ARK2C: variants seen among roughly 807,000 people sequenced by gnomAD.
The protein encoded by ARK2C is E3 ubiquitin-protein ligase ARK2C.
the ARK2C span, among the ~76,000 whole-genome samples, chr18:46,367,842 G>A: frequency 0.022 from 3,371 of 152,274 alleles, 123 homozygotes; most frequent in African/African-American, 0.076. Context: ...CGGATTTCTC[G>A]GCTCTGCTTC....
chr18:46,357,678 A>T, the ARK2C span, among the ~76,000 whole-genome samples: 2 of 152,184 alleles, frequency 1.3e-5, no homozygotes, highest in South Asian at 4.1e-4. Context: ...ATGCCTCCAG[A>T]TGCCTGGGAG....
the ARK2C span, among the ~76,000 whole-genome samples, chr18:46,400,134 C>T: frequency 3.3e-5 from 5 of 152,184 alleles, no homozygotes; most frequent in East Asian, 9.6e-4. Context: ...TCCTGCTCCT[C>T]CAGCTCCAGC....
the ARK2C span, among the ~76,000 whole-genome samples, chr18:46,395,253 G>A: frequency 6.6e-6 from 1 of 152,214 alleles, no homozygotes; most frequent in Non-Finnish European, 1.5e-5. Context: ...GTCTCCAGGG[G>A]ACTGTGTGAC....
the ARK2C span, among the ~76,000 whole-genome samples, chr18:46,349,790 C>T: frequency 6.6e-6 from 1 of 152,118 alleles, no homozygotes; most frequent in Non-Finnish European, 1.5e-5. Flanking sequence ...GCCCAGTAAC[C>T]CACAGCTACA....
chr18:46,429,487 G>A, the ARK2C span, among the ~76,000 whole-genome samples: 1 of 152,088 alleles, frequency 6.6e-6, no homozygotes, highest in Admixed American at 6.6e-5. Flanking sequence ...TTAAATTTCT[G>A]ATATTGCTTA....
the ARK2C span, among the ~76,000 whole-genome samples, chr18:46,441,381 G>C: frequency 6.6e-6 from 1 of 152,136 alleles, no homozygotes; most frequent in African/African-American, 2.4e-5. Context: ...CACTGCATCT[G>C]GTAATTTTGG....
the ARK2C span, among the ~76,000 whole-genome samples, chr18:46,432,651 G>T: frequency 2.0e-5 from 3 of 152,206 alleles, no homozygotes; most frequent in African/African-American, 7.2e-5. Context: ...GGATGCTTAT[G>T]TATTCATTAA....
the ARK2C span, among the ~76,000 whole-genome samples, chr18:46,403,212 G>A: frequency 7.2e-3 from 1,092 of 152,220 alleles, 9 homozygotes; most frequent in African/African-American, 0.025. Context: ...CCAGAGTCTG[G>A]CACCTGGCAA....
the ARK2C span, among the ~76,000 whole-genome samples, chr18:46,416,309 GAC>G: frequency 2.0e-5 from 3 of 152,122 alleles, no homozygotes. Context: ...GGAGAAGGGT[GAC>G]ACAGAAACCT....
chr18:46,424,995 T>C, the ARK2C span, among the ~76,000 whole-genome samples: 142,121 of 152,288 alleles, frequency 0.93, 67,138 homozygotes, highest in East Asian at 1. Flanking sequence ...TCCAGCCCTG[T>C]GGCCGGCTGT....
the ARK2C span, among the ~76,000 whole-genome samples, chr18:46,362,592 C>T: frequency 1.3e-5 from 2 of 152,252 alleles, no homozygotes; most frequent in Non-Finnish European, 2.9e-5. Flanking sequence ...CCAAGCCTCA[C>T]TCGTTTTGAC....
chr18:46,345,611 G>A, the ARK2C span, among the ~76,000 whole-genome samples: 3 of 152,212 alleles, frequency 2.0e-5, no homozygotes, highest in African/African-American at 7.2e-5. Flanking sequence ...TTGACTCCTA[G>A]GGCAAAACAG....
the ARK2C span, among the ~76,000 whole-genome samples, chr18:46,395,525 A>G: frequency 6.6e-6 from 1 of 152,182 alleles, no homozygotes; most frequent in African/African-American, 2.4e-5. Flanking sequence ...CTTTATTGTC[A>G]TCTTTGCTTT....
At chr18:46,352,884 A>T in the ARK2C span, among the ~76,000 whole-genome samples, 1 of 152,242 alleles carries the variant, frequency 6.6e-6, no homozygotes, top group East Asian at 1.9e-4. Context: ...TCTCTGCCTC[A>T]GTTGGTGCTT....
the ARK2C span, among the ~76,000 whole-genome samples, chr18:46,454,869 C>T: frequency 2.0e-5 from 3 of 152,186 alleles, no homozygotes; most frequent in Admixed American, 6.5e-5. Flanking sequence ...TAGATTTCTT[C>T]TTTGCCAAAA....
chr18:46,427,735 G>C, the ARK2C span, among the ~76,000 whole-genome samples: 3 of 152,224 alleles, frequency 2.0e-5, no homozygotes, highest in South Asian at 4.2e-4. Flanking sequence ...AGCCAGGTGC[G>C]TGGGGATCCA....
the ARK2C span, among the ~76,000 whole-genome samples, chr18:46,411,592 T>C: frequency 6.6e-6 from 1 of 152,224 alleles, no homozygotes; most frequent in Non-Finnish European, 1.5e-5. Context: ...GTTGATATTC[T>C]ATATGTGTAC....
the ARK2C span, among the ~76,000 whole-genome samples, chr18:46,441,555 T>C: frequency 1.3e-5 from 2 of 152,202 alleles, no homozygotes; most frequent in South Asian, 4.1e-4. Context: ...TTGATCAATC[T>C]AGATAGAAAT....
the ARK2C span, among the ~76,000 whole-genome samples, chr18:46,345,109 G>GTGCCTGCGATGCAGGGC: frequency 1.3e-5 from 2 of 152,218 alleles, no homozygotes; most frequent in Admixed American, 1.3e-4. Flanking sequence ...GGATGCAGGG[G>GTGCCTGCGATGCAGGGC]TGCCTGCGAT....
Sources: allele counts gnomAD v4.1 joint callset (sites outside exome capture counted in the v4.1 genomes callset), GRCh38; gene constraint gnomAD v4.1.1; transcripts MANE v1.5; gene names NCBI Gene and HGNC (gene_info 2026-07-23, HGNC 2026-07-21).